ZFHX3: variants seen among roughly 807,000 people sequenced by gnomAD.
ZFHX3 encodes zinc finger homeobox 3.
In ZFHX3, 42 loss-of-function variants were observed where a neutral mutation model predicts 279.1. That is an observed-to-expected ratio of 0.15 (90% CI 0.12 to 0.19). The LOEUF (loss-of-function observed/expected upper bound fraction) is 0.19, where lower values mean the gene tolerates loss of function less well. Ranked by LOEUF, ZFHX3 falls within the 10% of genes least tolerant of loss-of-function variation. The probability of loss-of-function intolerance (pLI) is 1.00; values close to 1 mark genes in which losing one functional copy is unlikely to be tolerated. For synonymous variants in ZFHX3, 2,293 were observed against 1,957.8 expected, an observed-to-expected ratio of 1.17 and a Z score of -4.52; for missense variants, 4,981 against 4,754.0, an observed-to-expected ratio of 1.05 and a Z score of -1.40.
chr16:73,308,258 TA>T lies in ZFHX3; in HGVS notation c.-1194+9981del, dbSNP rs2015235037. Among the ~76,000 whole-genome samples, 255 of 33,678 alleles carry T rather than the reference TA, an allele frequency of 7.6e-3. 3 individuals carry two copies. The highest frequency in any genetic ancestry group is 0.017 in the South Asian group (22 of 1,264). The allele number at this position is 33,678 out of a possible 152,430, so 22.1% of individuals were successfully genotyped here. A position where few individuals can be genotyped will look rare whatever the true frequency, so the allele number is the denominator to read the frequency against. On this transcript the variant is annotated intron_variant, in intron 4 of 17. Coordinates refer to the ZFHX3 transcript ENST00000641206. ...ATATATATATATATATATATATATA[TA>T]TATATATATATATATATATTTATTT...
At chr16:73,404,222 G>C (rs1160933752) in intron 3 of ZFHX3, among the ~76,000 whole-genome samples, 1 of 152,120 alleles carries the variant, frequency 6.6e-6, no homozygotes, top group Non-Finnish European at 1.5e-5. Context: ...CTCAGTCCTG[G>C]ACAAGGCTGG....
chr16:73,310,891 T>C (rs1252198135), intron 4 of ZFHX3, among the ~76,000 whole-genome samples: 1 of 151,808 alleles, frequency 6.6e-6, no homozygotes, highest in Non-Finnish European at 1.5e-5. Context: ...TGTGTATACA[T>C]GCAATCCCAA....
chr16:72,991,626 TACAG>T (rs751043382), intron 1 of ZFHX3, among the ~76,000 whole-genome samples: 1 of 152,228 alleles, frequency 6.6e-6, no homozygotes, highest in Non-Finnish European at 1.5e-5. Flanking sequence ...TTAACATTTA[TACAG>T]ACAAAGAACA....
intron 1 of ZFHX3, among the ~76,000 whole-genome samples, chr16:72,991,409 G>C (rs919030487): frequency 6.6e-6 from 1 of 152,156 alleles, no homozygotes; most frequent in African/African-American, 2.4e-5. Flanking sequence ...GTGGCTAGGA[G>C]TATATGCTCT....
At chr16:73,290,965 C>A (rs977362559) in intron 4 of ZFHX3, among the ~76,000 whole-genome samples, 1 of 152,194 alleles carries the variant, frequency 6.6e-6, no homozygotes, top group African/African-American at 2.4e-5. Flanking sequence ...ATCATGAGAA[C>A]CTTCTGACCA....
chr16:73,724,235 T>A (rs1322743183), intron 1 of ZFHX3, among the ~76,000 whole-genome samples: 1 of 152,232 alleles, frequency 6.6e-6, no homozygotes, highest in African/African-American at 2.4e-5. Context: ...ACAACTCCTG[T>A]GTGAGCTGCC....
intron 3 of ZFHX3, among the ~76,000 whole-genome samples, chr16:73,362,825 A>G (rs1335897457): frequency 6.6e-6 from 1 of 152,278 alleles, no homozygotes; most frequent in African/African-American, 2.4e-5. Context: ...AAGCTAAAAT[A>G]GCAAACAGAG....
rs1314367102 is a variant in ZFHX3, at chr16:73,058,648, G to A, written c.-142C>T. ...CGCTCGGGCCGCGGAGCCCATCAAG[G>A]CAGCAGCGGCGGCTGGCGGGGGTCG... On this transcript the variant is annotated 5_prime_UTR_variant, in exon 1 of 9. Coordinates refer to the ZFHX3 transcript ENST00000397992. 4.6e-5 allele frequency: 11 copies of A among 240,764 alleles called. No homozygotes were observed. The East Asian group carries it at 7.5e-4, about 16-fold the overall frequency. The allele number at this position is 240,764 out of a possible 1,614,324, so 14.9% of individuals were successfully genotyped here.
intron 7 of ZFHX3, among the ~76,000 whole-genome samples, chr16:72,800,497 A>C (rs1237041559): frequency 6.6e-6 from 1 of 152,214 alleles, no homozygotes; most frequent in Admixed American, 6.5e-5. Flanking sequence ...CTGAAAACAT[A>C]ATAAGGGCCC....
chr16:73,718,761 G>A (rs61126528), intron 1 of ZFHX3, among the ~76,000 whole-genome samples: 12,087 of 151,646 alleles, frequency 0.08, 768 homozygotes, highest in African/African-American at 0.17. Flanking sequence ...GACTACAGGC[G>A]CACACCACCA....
intron 2 of ZFHX3, among the ~76,000 whole-genome samples, chr16:73,479,701 T>C (rs1435526889): frequency 6.6e-6 from 1 of 152,160 alleles, no homozygotes; most frequent in African/African-American, 2.4e-5. Flanking sequence ...CAGGCATATG[T>C]AATGGGAAAT....
chr16:72,809,838 A>ATAAT (rs1320530251), intron 7 of ZFHX3: 1 of 151,792 alleles, frequency 6.6e-6, no homozygotes, highest in Non-Finnish European at 1.5e-5. Flanking sequence ...AGAGGTGAGA[A>ATAAT]TAATTCTCTT....
At chr16:73,788,958 T>A (rs1348469187) in intron 1 of ZFHX3, among the ~76,000 whole-genome samples, 1 of 151,352 alleles carries the variant, frequency 6.6e-6, no homozygotes, top group African/African-American at 2.4e-5. Flanking sequence ...TTTTGGCATG[T>A]CTATAATAGT....
chr16:73,340,459 C>A (rs2016009766), intron 3 of ZFHX3, among the ~76,000 whole-genome samples: 2 of 152,202 alleles, frequency 1.3e-5, no homozygotes, highest in Non-Finnish European at 1.5e-5. Flanking sequence ...TGGGCTCAAG[C>A]AATCCTCCCA....
intron 5 of ZFHX3, among the ~76,000 whole-genome samples, chr16:73,188,505 G>A (rs1967962847): frequency 6.6e-6 from 1 of 152,234 alleles, no homozygotes; most frequent in African/African-American, 2.4e-5. Context: ...TCTCACCTGA[G>A]ATGGTGAATT....
At chr16:72,969,861 A>G (rs994898526) in intron 1 of ZFHX3, among the ~76,000 whole-genome samples, 1 of 152,212 alleles carries the variant, frequency 6.6e-6, no homozygotes, top group African/African-American at 2.4e-5. Context: ...GCTTGGTAGC[A>G]ATTTCCCAGC....
intron 1 of ZFHX3, among the ~76,000 whole-genome samples, chr16:72,998,719 T>C (rs1237477948): frequency 5.3e-5 from 8 of 152,220 alleles, no homozygotes. Flanking sequence ...TTCATGCTTG[T>C]AGTTCTCACT....
chr16:72,802,578 T>A (rs966090785), intron 7 of ZFHX3, among the ~76,000 whole-genome samples: 1 of 152,118 alleles, frequency 6.6e-6, no homozygotes, highest in Non-Finnish European at 1.5e-5. Context: ...GGTTGGTATA[T>A]GAAATTTTGA....
intron 7 of ZFHX3, among the ~76,000 whole-genome samples, chr16:73,112,715 CAAAAAAAAAA>C (rs56149570): frequency 0.011 from 332 of 30,268 alleles, 3 homozygotes; most frequent in African/African-American, 0.041. Flanking sequence ...GACTCCATCT[CAAAAAAAAAA>C]AAAAAAAAAA....
Sources: gnomAD v4.1 joint callset for allele counts (sites outside exome capture counted in the v4.1 genomes callset) on GRCh38, gnomAD v4.1.1 for gene constraint, MANE v1.5 for transcripts, NCBI Gene and HGNC (gene_info 2026-07-23, HGNC 2026-07-21) for gene names.